Variants in DGKB observed in about 807,000 individuals in gnomAD.
DGKB encodes 90 kDa diacylglycerol kinase.
Under a neutral mutation model 114.3 loss-of-function variants are expected in DGKB, and 67 were observed. The observed-to-expected ratio is 0.59, with a 90% confidence interval of 0.48 to 0.72. The LOEUF is 0.72. DGKB is among the 30% of genes least tolerant of loss of function. The pLI, the probability that DGKB is intolerant of heterozygous loss-of-function variation, is 0.00. For synonymous variants in DGKB, 398 were observed against 323.1 expected, an observed-to-expected ratio of 1.23 and a Z score of -2.49; for missense variants, 907 against 975.2, an observed-to-expected ratio of 0.93 and a Z score of 0.93.
chr7:14,679,946 G>C (rs1261792267), intron 12 of DGKB, among the ~76,000 whole-genome samples: 1 of 151,966 alleles, frequency 6.6e-6, no homozygotes, highest in Non-Finnish European at 1.5e-5. Flanking sequence ...GAACTGGATG[G>C]AGGCTGAAGT....
intron 23 of DGKB, among the ~76,000 whole-genome samples, chr7:14,220,379 T>G (rs997194252): frequency 6.6e-6 from 1 of 151,508 alleles, no homozygotes; most frequent in Non-Finnish European, 1.5e-5. Flanking sequence ...TGTTGAAGAC[T>G]ATTGTCTCCA....
chr7:14,420,189 C>T (rs1826440502), intron 21 of DGKB, among the ~76,000 whole-genome samples: 1 of 151,270 alleles, frequency 6.6e-6, no homozygotes, highest in African/African-American at 2.4e-5. Flanking sequence ...TTTATATAAA[C>T]AAAATTTTTT....
At chr7:14,327,294 A>G (rs1381219201) in intron 23 of DGKB, among the ~76,000 whole-genome samples, 1 of 152,150 alleles carries the variant, frequency 6.6e-6, no homozygotes, top group Non-Finnish European at 1.5e-5. Flanking sequence ...GAAGACAAAC[A>G]GCAGAAATGA....
intron 4 of DGKB, among the ~76,000 whole-genome samples, chr7:14,747,775 G>GCGCGCGTGCGCGCACACACACACACACA: frequency 2.0e-5 from 3 of 149,178 alleles, no homozygotes; most frequent in Non-Finnish European, 4.4e-5. Context: ...ACATCCACGC[G>GCGCGCGTGCGCGCACACACACACACACA]CACGCACACA....
chr7:14,315,437 G>A (rs1246960339), intron 23 of DGKB, among the ~76,000 whole-genome samples: 2 of 150,958 alleles, frequency 1.3e-5, no homozygotes, highest in Non-Finnish European at 3.0e-5. Context: ...GATGGAGGAA[G>A]ATCTACCAAG....
At chr7:14,890,367 T>A (rs1562824613) in intron 1 of DGKB, among the ~76,000 whole-genome samples, 1 of 151,514 alleles carries the variant, frequency 6.6e-6, no homozygotes, top group Non-Finnish European at 1.5e-5. Context: ...AGTATACTAC[T>A]ATGGATAAAT....
At chr7:14,806,392 C>T (rs940257765) in intron 2 of DGKB, among the ~76,000 whole-genome samples, 5 of 151,880 alleles carry the variant, frequency 3.3e-5, no homozygotes, top group African/African-American at 4.8e-5. Context: ...GTCTTGTATA[C>T]GTATAAATTA....
intron 6 of DGKB, among the ~76,000 whole-genome samples, chr7:14,710,404 G>T (rs905648681): frequency 5.9e-5 from 9 of 152,028 alleles, no homozygotes; most frequent in African/African-American, 2.2e-4. Flanking sequence ...TCAAGTACTT[G>T]ATCTATCTAT....
At position 14,785,481 on chromosome 7, in the gene DGKB, G is replaced by C. The variant is rs116469738; in HGVS notation, c.71-27750C>G. On this transcript the variant is annotated intron_variant, in intron 2 of 25. Transcript: ENST00000402815. Reference sequence around the variant, plus strand: ...TATGTATATAATTTTGTGCACACATGGCATAAACCTCAAACGTCATGACTA... The same window carrying C: ...TATGTATATAATTTTGTGCACACATCGCATAAACCTCAAACGTCATGACTA... 2.5e-3 allele frequency among the ~76,000 whole-genome samples: 380 copies of C among 151,944 alleles called. 1 individual carries two copies. The highest frequency in any genetic ancestry group is 8.8e-3 in the African/African-American group (365 of 41,432).
chr7:14,760,677 A>G (rs1394315590), intron 2 of DGKB, among the ~76,000 whole-genome samples: 1 of 152,086 alleles, frequency 6.6e-6, no homozygotes, highest in African/African-American at 2.4e-5. Flanking sequence ...TATTTTAACC[A>G]TATCTTAGGC....
At chr7:14,536,577 T>A (rs1011497548) in intron 20 of DGKB, among the ~76,000 whole-genome samples, 4 of 152,064 alleles carry the variant, frequency 2.6e-5, no homozygotes, top group Admixed American at 2.0e-4. Context: ...CAAAACAATC[T>A]CAAAAGATGT....
In DGKB at chr7:14,189,985, G is replaced by A. The variant is rs145455032; in HGVS notation, c.2123-11834C>T. ...GGGATTACACCCACTTTCAACAAGG[G>A]TAAGCTAATGACAAAAAATCAACAA... On this transcript the variant is annotated intron_variant, in intron 23 of 25. Transcript: ENST00000402815. Among the ~76,000 whole-genome samples, 66 of 152,178 alleles carry A rather than the reference G, an allele frequency of 4.3e-4. No individual in the cohort carries two copies. In the East Asian group the frequency reaches 0.013, roughly 29 times the overall value.
intron 23 of DGKB, among the ~76,000 whole-genome samples, chr7:14,220,017 G>A (rs1789663246): frequency 6.6e-6 from 1 of 151,606 alleles, no homozygotes; most frequent in Admixed American, 6.6e-5. Context: ...TTGTCATTAT[G>A]AGAACATTAT....
At chr7:14,722,890 A>G (rs1829417710) in intron 5 of DGKB, among the ~76,000 whole-genome samples, 1 of 151,860 alleles carries the variant, frequency 6.6e-6, no homozygotes, top group African/African-American at 2.4e-5. Flanking sequence ...AGATCAGCCC[A>G]CTTTTTTTAA....
chr7:14,466,011 G>C lies in DGKB; in HGVS notation c.1835+12150C>G, dbSNP rs77045977. Among the ~76,000 whole-genome samples, 566 of 152,260 alleles carry C rather than the reference G, an allele frequency of 3.7e-3. 4 individuals carry two copies. The highest frequency in any genetic ancestry group is 0.013 in the African/African-American group (540 of 41,538). On this transcript the variant is annotated intron_variant, in intron 21 of 25. Transcript: ENST00000402815. ...GTGCACACAAGCTGGCCTAAGAACA[G>C]AAATGAGCCATCAACAGGGAGGGGG...
At position 14,395,771 on chromosome 7, in the gene DGKB, A is replaced by G. The variant is rs138347816; in HGVS notation, c.1836-50380T>C. 5.8e-3 allele frequency among the ~76,000 whole-genome samples: 880 copies of G among 152,096 alleles called. 5 individuals are homozygous for G. Among genetic ancestry groups the G allele is most frequent in the African/African-American group, 0.02 (819 of 41,558 alleles). ...TTATCTGAAAGAAATTAAGATATACATTATTTCACAATAATAAAAAACAGT... is the reference window on the plus strand; with the variant it reads ...TTATCTGAAAGAAATTAAGATATACGTTATTTCACAATAATAAAAAACAGT... On this transcript the variant is annotated intron_variant, in intron 21 of 25. Coordinates refer to ENST00000402815, the MANE Select transcript of DGKB (RefSeq NM_001350709.2).
At chr7:14,178,433 G>C (rs1446477701) in intron 23 of DGKB, among the ~76,000 whole-genome samples, 1 of 145,878 alleles carries the variant, frequency 6.9e-6, no homozygotes, top group African/African-American at 2.5e-5. Flanking sequence ...AAAAAACCCA[G>C]TAGTTTTTAA....
chr7:14,503,152 T>C (rs1199486842), intron 20 of DGKB, among the ~76,000 whole-genome samples: 1 of 152,180 alleles, frequency 6.6e-6, no homozygotes, highest in Non-Finnish European at 1.5e-5. Context: ...AAAAAATATG[T>C]TTCTTACCTA....
intron 21 of DGKB, among the ~76,000 whole-genome samples, chr7:14,382,874 G>A (rs548448009): frequency 1.2e-4 from 19 of 152,326 alleles, no homozygotes; most frequent in African/African-American, 4.3e-4. Flanking sequence ...ATGGTGCCCA[G>A]TGGGCAGCAA....
Sources: allele counts gnomAD v4.1 joint callset (sites outside exome capture counted in the v4.1 genomes callset), GRCh38; gene constraint gnomAD v4.1.1; transcripts MANE v1.5; gene names NCBI Gene and HGNC (gene_info 2026-07-23, HGNC 2026-07-21).